PARVG: variants seen among roughly 807,000 people sequenced by gnomAD.
PARVG encodes gamma-parvin.
In PARVG, 36 loss-of-function variants were observed where a neutral mutation model predicts 44.4. That is an observed-to-expected ratio of 0.81 (90% CI 0.62 to 1.07). The LOEUF is 1.07. Ranked by LOEUF, PARVG falls within the 50% of genes least tolerant of loss-of-function variation. The probability of loss-of-function intolerance (pLI) is 0.00; values close to 1 mark genes in which losing one functional copy is unlikely to be tolerated. For missense variants in PARVG, 407 were observed against 407.4 expected (o/e 1.00, Z 0.01); for synonymous variants, 170 against 174.1 (o/e 0.98, Z 0.19).
chr22:44,190,959 G>C (rs1362413820), intron 7 of PARVG, among the ~76,000 whole-genome samples: 1 of 152,236 alleles, frequency 6.6e-6, no homozygotes, highest in African/African-American at 2.4e-5. Flanking sequence ...GCTGAGGCCA[G>C]GGGCTGTCAG....
intron 12 of PARVG, among the ~76,000 whole-genome samples, chr22:44,198,953 T>C (rs377711763): frequency 1.7e-3 from 55 of 31,756 alleles, no homozygotes; most frequent in Non-Finnish European, 2.8e-3. Context: ...CACCCATCCA[T>C]CCATCCATCC....
intron 4 of PARVG, 78 bp downstream of exon 4, chr22:44,185,950 AGCAGGCTGT>A: frequency 7.0e-7 from 1 of 1,434,402 alleles, no homozygotes; most frequent in Non-Finnish European, 9.7e-7. Flanking sequence ...GGGCGGGGAC[AGCAGGCTGT>A]CCCCACTCCT....
intron 11 of PARVG, among the ~76,000 whole-genome samples, chr22:44,197,796 C>A (rs1237457991): frequency 2.0e-5 from 3 of 152,160 alleles, no homozygotes; most frequent in African/African-American, 7.2e-5. Flanking sequence ...TATTACCTGG[C>A]ACGCTGCCGG....
rs1601732655 is a variant in PARVG, at chr22:44,187,557, T to C, written c.145-219T>C. The C allele has an allele frequency of 1.0e-5, 6 of 599,204 alleles. No individual in the cohort carries two copies. In the East Asian group the frequency reaches 1.7e-4, roughly 17 times the overall value. 37.1% of individuals were successfully genotyped at this position (599,204 alleles called of 1,614,324 possible). A position where few individuals can be genotyped will look rare whatever the true frequency, so the allele number is the denominator to read the frequency against. On this transcript the variant is annotated intron_variant, in intron 4 of 13. Transcript: ENST00000444313. Reference sequence around the variant, plus strand: ...CATGATAATGACAGCCCCACACTGCTCAGGTTTGTGATGGAGAGAAGCAGG... The same window carrying C: ...CATGATAATGACAGCCCCACACTGCCCAGGTTTGTGATGGAGAGAAGCAGG...
chr22:44,200,389 C>A (rs2054690506), intron 12 of PARVG, among the ~76,000 whole-genome samples: 1 of 152,206 alleles, frequency 6.6e-6, no homozygotes. Flanking sequence ...GCTGACAATC[C>A]CTGCCCCCTA....
chr22:44,195,538 C>A (rs1013695586), intron 9 of PARVG, among the ~76,000 whole-genome samples: 1 of 152,242 alleles, frequency 6.6e-6, no homozygotes, highest in African/African-American at 2.4e-5. Context: ...GCACCCGAGG[C>A]TGGACCCCAG....
Position 44,182,179 on chromosome 22 carries a change from CTG to C in PARVG, c.-13+263_-13+264del, listed in dbSNP as rs1289767697. Among the ~76,000 whole-genome samples, 1 of 152,148 alleles carries C rather than the reference CTG, an allele frequency of 6.6e-6. No homozygotes were observed. The highest frequency in any genetic ancestry group is 6.5e-5 in the Admixed American group (1 of 15,290). On this transcript the variant is annotated intron_variant, in intron 2 of 13. Coordinates refer to ENST00000444313, the MANE Select transcript of PARVG (RefSeq NM_022141.7). This position sits in a 1 kb window ranked among gnomAD's most constrained non-coding sequence, Gnocchi z 4.6. Reference sequence around the variant, plus strand: ...ACCCCTCCGTCTCCAGGTGAAGAAACTGAGGCCCTGGGGCCAGGAAGGGGCTT... The same window carrying C: ...ACCCCTCCGTCTCCAGGTGAAGAAACAGGCCCTGGGGCCAGGAAGGGGCTT...
chr22:44,188,071 G>A (rs972963019), intron 5 of PARVG, 193 bp downstream of exon 5: 12 of 621,818 alleles, frequency 1.9e-5, no homozygotes, highest in Non-Finnish European at 2.8e-5. Flanking sequence ...TGAGGGGGCC[G>A]AGCTGGGGCT....
chr22:44,190,909 G>A (rs1258633894), intron 7 of PARVG, among the ~76,000 whole-genome samples: 1 of 152,208 alleles, frequency 6.6e-6, no homozygotes, highest in Non-Finnish European at 1.5e-5. Context: ...CGGCTGGCCA[G>A]CTCCACTTGA....
At chr22:44,189,455 T>C (rs528578334) in intron 6 of PARVG, among the ~76,000 whole-genome samples, 27 of 152,290 alleles carry the variant, frequency 1.8e-4, no homozygotes, top group Non-Finnish European at 2.6e-4. Flanking sequence ...CACACATCTG[T>C]GCCCTAGAGG....
chr22:44,187,902 C>A (rs760442636), intron 5 of PARVG, 24 bp downstream of exon 5: 1 of 1,612,198 alleles, frequency 6.2e-7, no homozygotes, highest in Admixed American at 1.7e-5. Flanking sequence ...TCTGGGGCTG[C>A]CTGGGCCTCG....
Position 44,208,098 on chromosome 22 carries a change from G to A in PARVG, c.*1672G>A, listed in dbSNP as rs553110474. ...CCTGAAATCCAGCCCCACTTCCTGG[G>A]GCCTTTGAGTCCTCACTTGCTTGGG... On this transcript the variant is annotated 3_prime_UTR_variant, in exon 14 of 14. Transcript: ENST00000444313. 3.3e-5 allele frequency: 5 copies of A among 152,084 alleles called. No homozygotes were observed. The highest frequency in any genetic ancestry group is 9.7e-5 in the African/African-American group (4 of 41,376). 9.4% of individuals were successfully genotyped at this position (152,084 alleles called of 1,614,324 possible).
rs961970185 is a variant in PARVG, at chr22:44,186,706, G to C, written c.144+834G>C. ...CAGGCTGATCCAGAGACAAGGATTT[G>C]GATGCCAGTAGTTGAGTTGGGAGGT... On this transcript the variant is annotated intron_variant, in intron 4 of 13. Transcript: ENST00000444313. 4 of 468,542 alleles carry C rather than the reference G, an allele frequency of 8.5e-6. No individual in the cohort carries two copies. In the Admixed American group the frequency reaches 9.4e-5, roughly 11 times the overall value. 29.0% of individuals were successfully genotyped at this position (468,542 alleles called of 1,614,324 possible).
At chr22:44,174,595 G>T (rs2054301530) in intron 1 of PARVG, among the ~76,000 whole-genome samples, 1 of 151,758 alleles carries the variant, frequency 6.6e-6, no homozygotes, top group Admixed American at 6.6e-5. Flanking sequence ...AATTAGCTGG[G>T]CATGGTGGCG....
chr22:44,206,178 G>A, intron 13 of PARVG, 139 bp from the exon 14 acceptor site: 1 of 676,642 alleles, frequency 1.5e-6, no homozygotes, highest in Non-Finnish European at 2.6e-6. Flanking sequence ...GGCCTGGAGT[G>A]ACCAGCTGTC....
chr22:44,191,685 C>T (rs577589523), intron 7 of PARVG, among the ~76,000 whole-genome samples: 1 of 152,262 alleles, frequency 6.6e-6, no homozygotes, highest in African/African-American at 2.4e-5. Context: ...AGGCGTGAGC[C>T]ACCACACCCG....
intron 12 of PARVG, 89 bp from the exon 13 acceptor site, chr22:44,205,668 G>A: frequency 6.7e-7 from 1 of 1,496,102 alleles, no homozygotes. Flanking sequence ...GGACATCACA[G>A]ACAACAGGAA....
At chr22:44,181,703 C>T in intron 1 of PARVG, 39 bp from the exon 2 acceptor site, 2 of 985,210 alleles carry the variant, frequency 2.0e-6, no homozygotes, top group Middle Eastern at 5.2e-4. Flanking sequence ...GTGGCAGCTT[C>T]ACTTTCACGG....
chr22:44,193,994 T>G (rs1444887961), intron 9 of PARVG, among the ~76,000 whole-genome samples, 171 bp downstream of exon 9: 1 of 152,236 alleles, frequency 6.6e-6, no homozygotes, highest in Non-Finnish European at 1.5e-5. Context: ...TGTCCATCCA[T>G]GGAGCTGGCT....
Sources: gnomAD v4.1 joint callset for allele counts (sites outside exome capture counted in the v4.1 genomes callset) on GRCh38, gnomAD v4.1.1 for gene constraint, Gnocchi (gnomAD v3.1) non-coding constraint, MANE v1.5 for transcripts, NCBI Gene and HGNC (gene_info 2026-07-23, HGNC 2026-07-21) for gene names.